UVRAG: variants seen among roughly 807,000 people sequenced by gnomAD.
The protein encoded by UVRAG is UV radiation resistance associated.
UVRAG carries 19 observed loss-of-function variants against 78.0 expected under a neutral mutation model. The ratio of observed to expected loss-of-function variants is 0.24; its 90% CI spans 0.17 to 0.36. The LOEUF is 0.36. Among genes scored for constraint, UVRAG ranks in the 10% least tolerant of loss-of-function variants. UVRAG has a pLI of 1.00. For synonymous variants in UVRAG, 323 were observed against 324.6 expected (o/e 1.00, Z 0.05); for missense variants, 740 against 853.8 (o/e 0.87, Z 1.66).
chr11:75,851,617 T>A (rs1187358880), intron 1 of UVRAG, among the ~76,000 whole-genome samples: 1 of 152,236 alleles, frequency 6.6e-6, no homozygotes, highest in Non-Finnish European at 1.5e-5. Context: ...TATATAGCAC[T>A]TACATAACGT....
intron 13 of UVRAG, among the ~76,000 whole-genome samples, chr11:76,085,559 T>C (rs1344082488): frequency 6.6e-6 from 1 of 152,240 alleles, no homozygotes; most frequent in African/African-American, 2.4e-5. Context: ...GCAGGGCATT[T>C]ATTTATATTC....
At chr11:75,875,304 A>T (rs1946742327) in intron 3 of UVRAG, among the ~76,000 whole-genome samples, 1 of 152,126 alleles carries the variant, frequency 6.6e-6, no homozygotes, top group African/African-American at 2.4e-5. Flanking sequence ...TGTTAGTGTC[A>T]CACTCCCAAG....
intron 1 of UVRAG, among the ~76,000 whole-genome samples, chr11:75,838,659 T>A (rs1945840100): frequency 6.6e-6 from 1 of 152,208 alleles, no homozygotes; most frequent in South Asian, 2.1e-4. Flanking sequence ...AGCCTGCATT[T>A]GTAATTTTGA....
chr11:76,061,248 G>T (rs1335366456), intron 12 of UVRAG, among the ~76,000 whole-genome samples: 1 of 152,162 alleles, frequency 6.6e-6, no homozygotes, highest in African/African-American at 2.4e-5. Flanking sequence ...CTCATCTAGT[G>T]GGGAGGTGGA....
chr11:76,045,629 C>T (rs186063315), intron 12 of UVRAG, among the ~76,000 whole-genome samples: 1 of 144,796 alleles, frequency 6.9e-6, no homozygotes, highest in Non-Finnish European at 1.5e-5. Context: ...AAAGATGAAG[C>T]GTGGCAAATT....
intron 7 of UVRAG, among the ~76,000 whole-genome samples, chr11:75,963,440 C>T (rs1386955866): frequency 1.3e-5 from 2 of 152,220 alleles, no homozygotes; most frequent in Non-Finnish European, 2.9e-5. Flanking sequence ...ATGCCATCTA[C>T]ATGTTAATTA....
chr11:75,891,660 T>C (rs1214116096), intron 5 of UVRAG, among the ~76,000 whole-genome samples: 2 of 152,088 alleles, frequency 1.3e-5, no homozygotes, highest in African/African-American at 4.8e-5. Flanking sequence ...CCAGTGGATT[T>C]TGGGAGGCTG....
At chr11:76,038,904 T>G (rs1950590758) in intron 12 of UVRAG, among the ~76,000 whole-genome samples, 2 of 152,192 alleles carry the variant, frequency 1.3e-5, no homozygotes, top group Admixed American at 6.5e-5. Flanking sequence ...GCCAACAACC[T>G]GAATGAGCTT....
rs139296174 is a variant in UVRAG, at chr11:76,052,873, G to A, written c.1227-12837G>A. Among the ~76,000 whole-genome samples the A allele has an allele frequency of 9.1e-4, 137 of 151,346 alleles. No homozygotes were observed. The Middle Eastern group carries it at 0.014, about 15-fold the overall frequency. The stretch of plus-strand genomic sequence containing the variant: ...CTAAAATGTTTATAATTCCCTATTC[G>A]ATATTTTCGGCCCAAATTTTGTCAC... On this transcript the variant is annotated intron_variant, in intron 12 of 14. Coordinates refer to ENST00000356136, the MANE Select transcript of UVRAG (RefSeq NM_003369.4).
chr11:75,985,573 CT>C (rs2135283161), intron 8 of UVRAG, among the ~76,000 whole-genome samples: 1 of 151,906 alleles, frequency 6.6e-6, no homozygotes, highest in South Asian at 2.1e-4. Context: ...ATAGATGAGG[CT>C]TTTTGTGACT....
intron 5 of UVRAG, among the ~76,000 whole-genome samples, chr11:75,908,712 C>CTTTTTTTTTTT (rs1024795820): frequency 4.4e-5 from 2 of 45,444 alleles, no homozygotes; most frequent in African/African-American, 8.6e-5. Context: ...TGGTTCTGGG[C>CTTTTTTTTTTT]TTTTTTTTTT....
At chr11:75,877,540 T>C (rs1367241012) in intron 3 of UVRAG, among the ~76,000 whole-genome samples, 68 of 93,312 alleles carry the variant, frequency 7.3e-4, no homozygotes, top group African/African-American at 1.6e-3. Flanking sequence ...CCGGACGGGG[T>C]GGCTGGCCGG....
intron 6 of UVRAG, among the ~76,000 whole-genome samples, chr11:75,926,590 A>C (rs1230531213): frequency 6.6e-6 from 1 of 152,222 alleles, no homozygotes; most frequent in Non-Finnish European, 1.5e-5. Context: ...AGATGATCTT[A>C]TATTGCATTA....
chr11:76,035,571 C>A (rs1241826367), intron 12 of UVRAG, among the ~76,000 whole-genome samples: 1 of 152,060 alleles, frequency 6.6e-6, no homozygotes, highest in Non-Finnish European at 1.5e-5. Context: ...GATAAATATA[C>A]AAATGAACCT....
At chr11:76,068,268 A>C (rs1951233887) in intron 13 of UVRAG, among the ~76,000 whole-genome samples, 1 of 152,100 alleles carries the variant, frequency 6.6e-6, no homozygotes, top group African/African-American at 2.4e-5. Context: ...CAGACTCTCA[A>C]CTCTAGGGCC....
At chr11:75,877,856 CG>C (rs1425026789) in intron 3 of UVRAG, among the ~76,000 whole-genome samples, 1 of 136,412 alleles carries the variant, frequency 7.3e-6, no homozygotes, top group Non-Finnish European at 1.6e-5. Context: ...GCTGGCCGGG[CG>C]GGGGGCTGAC....
At chr11:75,878,352 G>T (rs1383004221) in intron 3 of UVRAG, 22 of 176,288 alleles carry the variant, frequency 1.2e-4, no homozygotes, top group African/African-American at 5.3e-4. Flanking sequence ...TGGCGGCCGG[G>T]CAGAGACGCT....
chr11:75,839,944 T>G (rs1186356330), intron 1 of UVRAG, among the ~76,000 whole-genome samples: 5 of 151,948 alleles, frequency 3.3e-5, no homozygotes, highest in African/African-American at 7.3e-5. Context: ...CAATAACTAT[T>G]AACTCATGTT....
chr11:75,928,961 A>AAAAAAAAAAG (rs767893577), intron 6 of UVRAG, among the ~76,000 whole-genome samples: 21 of 142,896 alleles, frequency 1.5e-4, no homozygotes, highest in African/African-American at 5.6e-4. Flanking sequence ...AAAAAAAAAA[A>AAAAAAAAAAG]AAAGAATTGA....
Sources: gnomAD v4.1 joint callset for allele counts (sites outside exome capture counted in the v4.1 genomes callset) on GRCh38, gnomAD v4.1.1 for gene constraint, MANE v1.5 for transcripts, NCBI Gene and HGNC (gene_info 2026-07-23, HGNC 2026-07-21) for gene names.